Variants in CSMD1 observed in about 807,000 individuals in gnomAD.
CSMD1 encodes CUB and Sushi multiple domains 1, also known as CUB and sushi domain-containing protein 1.
Under a neutral mutation model 417.5 loss-of-function variants are expected in CSMD1, and 213 were observed. The ratio of observed to expected loss-of-function variants is 0.51; its 90% confidence interval spans 0.46 to 0.57. The LOEUF (loss-of-function observed/expected upper bound fraction) is 0.57, where lower values mean the gene tolerates loss of function less well. Among genes scored for constraint, CSMD1 ranks in the 20% least tolerant of loss-of-function variants. CSMD1 has a pLI of 0.00. For missense variants in CSMD1, 6,923 were observed against 4,529.7 expected, an observed-to-expected ratio of 1.53 and a Z score of -15.17; for synonymous variants, 2,862 against 1,736.8, an observed-to-expected ratio of 1.65 and a Z score of -16.11.
In CSMD1 at chr8:4,600,822, C is replaced by G. The variant is rs376033964; in HGVS notation, c.302+36520G>C. Among the ~76,000 whole-genome samples the G allele has an allele frequency of 3.2e-4, 49 of 152,240 alleles. No individual in the cohort carries two copies. In the East Asian group the frequency reaches 3.7e-3, roughly 11 times the overall value. ...AAATCAATCTCTCAATCTTGACAAA[C>G]TTACATATCTAAAGAAGATATTCTG... On this transcript the variant is annotated intron_variant, in intron 2 of 69. Coordinates refer to ENST00000635120, the MANE Select transcript of CSMD1 (RefSeq NM_033225.6).
chr8:3,890,707 A>G (rs1261641797), intron 5 of CSMD1, among the ~76,000 whole-genome samples: 2 of 152,198 alleles, frequency 1.3e-5, no homozygotes, highest in African/African-American at 4.8e-5. Context: ...GAAAACATTT[A>G]AAGGAAGATA....
intron 3 of CSMD1, among the ~76,000 whole-genome samples, chr8:4,242,595 A>G (rs986218479): frequency 2.0e-5 from 3 of 152,166 alleles, no homozygotes; most frequent in Non-Finnish European, 2.9e-5. Flanking sequence ...GAATGTATCT[A>G]CAAATAAACC....
intron 1 of CSMD1, among the ~76,000 whole-genome samples, chr8:4,705,370 G>C (rs1807861755): frequency 1.3e-5 from 2 of 152,054 alleles, no homozygotes; most frequent in South Asian, 4.1e-4. Context: ...CATGATGTAA[G>C]ACAACCCAGC....
At chr8:4,454,992 G>A (rs912037262) in intron 2 of CSMD1, among the ~76,000 whole-genome samples, 1 of 152,068 alleles carries the variant, frequency 6.6e-6, no homozygotes, top group African/African-American at 2.4e-5. Flanking sequence ...GTTAGGAGAA[G>A]GGCTCCTGTG....
chr8:3,615,031 G>C (rs1220213636), intron 8 of CSMD1, among the ~76,000 whole-genome samples: 1 of 152,180 alleles, frequency 6.6e-6, no homozygotes, highest in East Asian at 1.9e-4. Context: ...TTATTTCGTT[G>C]CTTTGTTTTC....
chr8:4,810,709 T>C (rs1161386937), intron 1 of CSMD1, among the ~76,000 whole-genome samples: 1 of 152,244 alleles, frequency 6.6e-6, no homozygotes, highest in Admixed American at 6.5e-5. Context: ...TTCCGTCATC[T>C]GGAAATTTTC....
chr8:3,347,911 C>T (rs1447291843), intron 22 of CSMD1, 81 bp downstream of exon 22: 2 of 884,366 alleles, frequency 2.3e-6, no homozygotes, highest in Admixed American at 3.1e-5. Flanking sequence ...GTGCATATAT[C>T]TATATGTAGA....
In CSMD1 at chr8:3,498,983, TTTTGTAGCTGTCCTTTTC is replaced by T. The variant is rs1430279066; in HGVS notation, c.1345-5275_1345-5258del. ...CATTATTTTAAAAATCATATAGGCA[TTTTGTAGCTGTCCTTTTC>T]TTTGGGATATGGAATTAGAAAATGA... On this transcript the variant is annotated intron_variant, in intron 10 of 69. Coordinates refer to ENST00000635120, the MANE Select transcript of CSMD1 (RefSeq NM_033225.6). 1.2e-4 allele frequency among the ~76,000 whole-genome samples: 19 copies of T among 152,278 alleles called. 1 individual carries two copies. Among genetic ancestry groups the T allele is most frequent in the African/African-American group, 3.4e-4 (14 of 41,568 alleles).
chr8:4,518,625 G>T (rs1048593998), intron 2 of CSMD1, among the ~76,000 whole-genome samples: 4 of 135,414 alleles, frequency 3.0e-5, no homozygotes, highest in African/African-American at 1.1e-4. Flanking sequence ...GTGGGGTGGG[G>T]GGCGGGGGGA....
intron 12 of CSMD1, among the ~76,000 whole-genome samples, chr8:3,438,203 A>G (rs1359064534): frequency 6.6e-6 from 1 of 152,198 alleles, no homozygotes; most frequent in Non-Finnish European, 1.5e-5. Flanking sequence ...TTATAGATCC[A>G]TATGCAGTTG....
intron 1 of CSMD1, among the ~76,000 whole-genome samples, chr8:4,837,085 A>C (rs1800539520): frequency 6.6e-6 from 1 of 152,100 alleles, no homozygotes; most frequent in Non-Finnish European, 1.5e-5. Flanking sequence ...AAGAAGTGGT[A>C]ATTAATGAGG....
At chr8:3,502,994 C>T (rs28477070) in intron 10 of CSMD1, among the ~76,000 whole-genome samples, 9,108 of 151,978 alleles carry the variant, frequency 0.06, 302 homozygotes, top group Middle Eastern at 0.092. Context: ...TGTGTGGGGG[C>T]AGGGGGTACG....
intron 7 of CSMD1, among the ~76,000 whole-genome samples, chr8:3,637,549 C>T (rs971150122): frequency 1.3e-5 from 2 of 152,012 alleles, no homozygotes; most frequent in African/African-American, 2.4e-5. Flanking sequence ...AAATAGTTTG[C>T]TTTTTTCCTA....
At chr8:4,937,865 T>C (rs1217712398) in intron 1 of CSMD1, among the ~76,000 whole-genome samples, 3 of 152,108 alleles carry the variant, frequency 2.0e-5, no homozygotes, top group African/African-American at 7.2e-5. Flanking sequence ...CTAAAAAATA[T>C]ATATTAACAT....
intron 12 of CSMD1, among the ~76,000 whole-genome samples, chr8:3,449,267 A>C (rs1305876405): frequency 6.6e-6 from 1 of 152,180 alleles, no homozygotes; most frequent in Non-Finnish European, 1.5e-5. Flanking sequence ...TATTCTGAAA[A>C]ATATCTGAGA....
chr8:3,493,733 A>G lies in CSMD1; in HGVS notation c.1345-7T>C. On this transcript the variant is annotated splice_region_variant and splice_polypyrimidine_tract_variant and intron_variant, in intron 10 of 69. Transcript: ENST00000635120. ...CAAAGGCAAGCTTGATGACCTAAAT[A>G]CAAGGTACGAAACAGTGACTTAGAA... 1.2e-6 allele frequency: 2 copies of G among 1,604,010 alleles called. No individual in the cohort carries two copies. Among genetic ancestry groups the G allele is most frequent in the Non-Finnish European group, 1.7e-6 (2 of 1,174,550 alleles).
At chr8:3,259,639 A>G (rs1438895156) in intron 26 of CSMD1, among the ~76,000 whole-genome samples, 26 of 152,178 alleles carry the variant, frequency 1.7e-4, no homozygotes, top group Non-Finnish European at 4.4e-5. Context: ...AGATTTTAAT[A>G]TGTATACAAG....
At chr8:3,906,522 A>C (rs1808122243) in intron 5 of CSMD1, among the ~76,000 whole-genome samples, 3 of 102,568 alleles carry the variant, frequency 2.9e-5, no homozygotes, top group Admixed American at 1.2e-4. Flanking sequence ...GGTTGTGCTC[A>C]CTGTAAAGAG....
chr8:3,316,468 C>A (rs923485542), intron 23 of CSMD1, among the ~76,000 whole-genome samples: 2 of 151,958 alleles, frequency 1.3e-5, no homozygotes, highest in African/African-American at 2.4e-5. Context: ...CTATGGTTTG[C>A]GTGAAGGTTG....
Sources: allele counts gnomAD v4.1 joint callset (sites outside exome capture counted in the v4.1 genomes callset), GRCh38; gene constraint gnomAD v4.1.1; transcripts MANE v1.5; gene names NCBI Gene and HGNC (gene_info 2026-07-23, HGNC 2026-07-21).